Variants in NWD2 observed in about 807,000 individuals in gnomAD.
NWD2 encodes NACHT and WD repeat domain-containing protein 2.
In NWD2, 37 loss-of-function variants were observed where a neutral mutation model predicts 132.7. The ratio of observed to expected loss-of-function variants is 0.28; its 90% CI spans 0.21 to 0.37. The LOEUF (loss-of-function observed/expected upper bound fraction) is 0.37. Among genes scored for constraint, NWD2 ranks in the 10% least tolerant of loss-of-function variants. The pLI, the probability that NWD2 is intolerant of heterozygous loss-of-function variation, is 1.00. For synonymous variants in NWD2, 705 were observed against 803.0 expected (o/e 0.88, Z 2.06); for missense variants, 1,592 against 2,122.4 (o/e 0.75, Z 4.91).
chr4:37,329,796 T>C (rs971479997), intron 2 of NWD2, among the ~76,000 whole-genome samples: 12 of 151,862 alleles, frequency 7.9e-5, no homozygotes, highest in Admixed American at 5.9e-4. Flanking sequence ...TCAGGTTCTA[T>C]GAGTAGAATA....
rs377507717 is a variant in NWD2 at position 37,299,412 on chromosome 4, G to A, written c.152-26524G>A. 6.0e-4 allele frequency among the ~76,000 whole-genome samples: 92 copies of A among 152,092 alleles called. 5 individuals are homozygous for A. The South Asian group carries it at 0.018, about 29-fold the overall frequency. On this transcript the variant is annotated intron_variant, in intron 1 of 6. Transcript: ENST00000309447. ...TCTGCATTGAGAAAGCTCTTCTGCT[G>A]TACTCTATATCTGAATTCTACTCAT...
At chr4:37,419,693 GT>G (rs1240077043) in intron 3 of NWD2, among the ~76,000 whole-genome samples, 1 of 152,094 alleles carries the variant, frequency 6.6e-6, no homozygotes, top group Non-Finnish European at 1.5e-5. Flanking sequence ...TTATTTCTCT[GT>G]TTTTTAGTTT....
intron 3 of NWD2, among the ~76,000 whole-genome samples, chr4:37,360,518 A>G (rs1307192636): frequency 6.6e-6 from 1 of 152,204 alleles, no homozygotes; most frequent in African/African-American, 2.4e-5. Context: ...TTTACTGACT[A>G]AAAGCTTTAC....
intron 1 of NWD2, among the ~76,000 whole-genome samples, chr4:37,323,835 A>G (rs1212391273): frequency 6.8e-6 from 1 of 146,622 alleles, no homozygotes; most frequent in Non-Finnish European, 1.5e-5. Context: ...TGGCACATAT[A>G]CACCATGGAA....
intron 1 of NWD2, among the ~76,000 whole-genome samples, chr4:37,301,662 G>A (rs1372789880): frequency 1.3e-5 from 2 of 150,726 alleles, no homozygotes; most frequent in Admixed American, 1.3e-4. Context: ...TTTCAAATCT[G>A]CGTTATTGGC....
intron 3 of NWD2, among the ~76,000 whole-genome samples, chr4:37,401,889 G>A (rs1720902772): frequency 6.6e-6 from 1 of 152,172 alleles, no homozygotes. Flanking sequence ...TTCCAGTGCA[G>A]ATCAATGATA....
At chr4:37,342,511 C>T (rs1183579879) in intron 2 of NWD2, among the ~76,000 whole-genome samples, 1 of 152,184 alleles carries the variant, frequency 6.6e-6, no homozygotes, top group African/African-American at 2.4e-5. Flanking sequence ...GGTGTCCTGC[C>T]ACTGAAGGAA....
chr4:37,445,585 AG>A lies in NWD2; in HGVS notation c.3598del (p.Asp1200ThrfsTer6). ...AGGTGGTCAGCATTGAGCTTTCAGA[AG>A]ACCAAAGTGCAGTTCTGATCTGTAA... The part of the protein sequence containing the change: ...SEVVSIELSE[D>X]QSAVLICKAL... On this transcript the variant is annotated frameshift_variant, in exon 7 of 7. Transcript: ENST00000309447. LOFTEE classifies it high-confidence loss of function. The surrounding 1 kb of genome is among the most constrained non-coding windows in gnomAD (Gnocchi z 4.7). 1 of 1,552,298 alleles carries A rather than the reference AG, an allele frequency of 6.4e-7. No homozygotes were observed. Among genetic ancestry groups the A allele is most frequent in the Non-Finnish European group, 8.7e-7 (1 of 1,147,142 alleles).
intron 2 of NWD2, among the ~76,000 whole-genome samples, chr4:37,346,191 C>T (rs891266693): frequency 6.6e-6 from 1 of 151,858 alleles, no homozygotes; most frequent in African/African-American, 2.4e-5. Context: ...TAATTTTACA[C>T]GGTGTGAGGT....
At chr4:37,356,042 A>T (rs1397387357) in intron 2 of NWD2, among the ~76,000 whole-genome samples, 1 of 152,186 alleles carries the variant, frequency 6.6e-6, no homozygotes, top group East Asian at 1.9e-4. Context: ...CTATGGTAAC[A>T]TCATGCCAGC....
At chr4:37,409,080 A>T (rs1186742902) in intron 3 of NWD2, among the ~76,000 whole-genome samples, 1 of 152,156 alleles carries the variant, frequency 6.6e-6, no homozygotes, top group Non-Finnish European at 1.5e-5. Context: ...TGAAAATTCC[A>T]AAAACCAGAA....
chr4:37,374,638 A>T (rs966575641), intron 3 of NWD2, among the ~76,000 whole-genome samples: 1 of 152,242 alleles, frequency 6.6e-6, no homozygotes, highest in Non-Finnish European at 1.5e-5. Context: ...AAAAGCAAAA[A>T]TAATTGGAAG....
At chr4:37,328,078 C>T (rs551975555) in intron 2 of NWD2, among the ~76,000 whole-genome samples, 1 of 152,074 alleles carries the variant, frequency 6.6e-6, no homozygotes, top group South Asian at 2.1e-4. Context: ...GGCCCACAGC[C>T]CTGTGGGCCT....
rs1008787026 is a variant in NWD2 at position 37,443,650 on chromosome 4, G to A, written c.1662G>A (p.Gln554=). The A allele has an allele frequency of 6.4e-7, 1 of 1,551,982 alleles. No individual in the cohort carries two copies. The highest frequency in any genetic ancestry group is 1.4e-5 in the African/African-American group (1 of 73,032). The change falls in exon 7 of 7, where the codon CAG becomes CAA. Residue 554 remains glutamine (Q), a synonymous_variant. Coordinates refer to ENST00000309447, the MANE Select transcript of NWD2 (RefSeq NM_001144990.2). This position sits in a 1 kb window ranked among gnomAD's most constrained non-coding sequence, Gnocchi z 4.1. ...TGCCCAACAAACATGGGATCTTGCA[G>A]AAACTAAGGTGCCTTATCCATGAAG... ...STLPNKHGIL[Q]KLRCLIHEED...
chr4:37,406,259 A>G (rs539155563), intron 3 of NWD2, among the ~76,000 whole-genome samples: 1 of 152,210 alleles, frequency 6.6e-6, no homozygotes, highest in Admixed American at 6.5e-5. Flanking sequence ...AGCCAGTGAA[A>G]CAGACCGACA....
At chr4:37,412,815 G>A (rs1721189453) in intron 3 of NWD2, among the ~76,000 whole-genome samples, 1 of 152,192 alleles carries the variant, frequency 6.6e-6, no homozygotes, top group Admixed American at 6.5e-5. Flanking sequence ...ACAGGCCTCA[G>A]AAATAACACC....
rs541935721 is a variant in NWD2 at position 37,276,087 on chromosome 4, A to C, written c.151+30869A>C. On this transcript the variant is annotated intron_variant, in intron 1 of 6. Coordinates refer to ENST00000309447, the MANE Select transcript of NWD2 (RefSeq NM_001144990.2). ...CCAAAAGCAATGGCAACAAAAGCCA[A>C]CATTGACAAATGGGATCTAATTAAA... Among the ~76,000 whole-genome samples, 3 of 152,328 alleles carry C rather than the reference A, an allele frequency of 2.0e-5. No individual in the cohort carries two copies. The South Asian group carries it at 6.2e-4, about 32-fold the overall frequency.
intron 3 of NWD2, among the ~76,000 whole-genome samples, chr4:37,373,103 G>A (rs1226039045): frequency 3.9e-5 from 6 of 152,204 alleles, no homozygotes; most frequent in Non-Finnish European, 7.3e-5. Context: ...CATTATGCAT[G>A]TGCCAGGTGC....
chr4:37,273,398 G>T (rs1717914137), intron 1 of NWD2, among the ~76,000 whole-genome samples: 1 of 151,984 alleles, frequency 6.6e-6, no homozygotes, highest in Non-Finnish European at 1.5e-5. Flanking sequence ...AAATATATGT[G>T]CACCCAATAC....
Sources: allele counts gnomAD v4.1 joint callset (sites outside exome capture counted in the v4.1 genomes callset), GRCh38; gene constraint gnomAD v4.1.1; non-coding constraint Gnocchi (gnomAD v3.1); transcripts MANE v1.5; gene names NCBI Gene and HGNC (gene_info 2026-07-23, HGNC 2026-07-21).